SCN2A: variants seen among roughly 807,000 people sequenced by gnomAD.
SCN2A encodes sodium channel protein type 2 subunit alpha.
A neutral mutation model predicts 188.7 loss-of-function variants in SCN2A; 20 were observed. The ratio of observed to expected loss-of-function variants is 0.11; its 90% CI spans 0.07 to 0.15. SCN2A has a LOEUF of 0.15. Among genes scored for constraint, SCN2A ranks in the 10% least tolerant of loss-of-function variants. The probability of loss-of-function intolerance (pLI) is 1.00; values close to 1 mark genes in which losing one functional copy is unlikely to be tolerated. For missense variants in SCN2A, 1,278 were observed against 2,445.0 expected (o/e 0.52, Z 10.07); for synonymous variants, 804 against 833.1 (o/e 0.97, Z 0.60).
intron 1 of SCN2A, among the ~76,000 whole-genome samples, chr2:165,276,950 C>T (rs758493950): frequency 3.9e-5 from 6 of 152,098 alleles, no homozygotes; most frequent in Admixed American, 3.3e-4. Context: ...CTGAGGTGGG[C>T]GGATCACGAG....
At chr2:165,338,202 G>T (rs1482386433) in intron 14 of SCN2A, among the ~76,000 whole-genome samples, 1 of 151,614 alleles carries the variant, frequency 6.6e-6, no homozygotes, top group Non-Finnish European at 1.5e-5. Context: ...AAAGACAACT[G>T]ATTGTTTAAA....
At chr2:165,380,798 C>G in intron 24 of SCN2A, 69 bp downstream of exon 24, 1 of 1,231,010 alleles carries the variant, frequency 8.1e-7, no homozygotes, top group Admixed American at 2.2e-5. Context: ...TTCCTTTAGC[C>G]TCCAAAATGC....
intron 16 of SCN2A, among the ~76,000 whole-genome samples, chr2:165,346,501 C>A (rs951946304): frequency 6.6e-6 from 1 of 152,124 alleles, no homozygotes; most frequent in Non-Finnish European, 1.5e-5. Flanking sequence ...ACCATAAAAA[C>A]CTTAGAAGAA....
intron 3 of SCN2A, among the ~76,000 whole-genome samples, chr2:165,305,000 G>A (rs181835114): frequency 3.9e-4 from 60 of 152,298 alleles, no homozygotes; most frequent in Non-Finnish European, 7.2e-4. Flanking sequence ...CAGTTTAGAG[G>A]AGACTGCAAT....
intron 17 of SCN2A, among the ~76,000 whole-genome samples, chr2:165,355,592 C>T (rs1404740742): frequency 5.9e-5 from 9 of 152,016 alleles, no homozygotes; most frequent in South Asian, 4.1e-4. Flanking sequence ...CTTCCTCATA[C>T]GAACTGTTTG....
chr2:165,301,571 T>C (rs1272738815), intron 3 of SCN2A, among the ~76,000 whole-genome samples: 1 of 152,184 alleles, frequency 6.6e-6, no homozygotes, highest in Non-Finnish European at 1.5e-5. Context: ...AAAATTATAA[T>C]CACAGCTTAG....
At chr2:165,259,933 T>A (rs1456764991) in intron 1 of SCN2A, among the ~76,000 whole-genome samples, 6 of 11,818 alleles carry the variant, frequency 5.1e-4, no homozygotes, top group Non-Finnish European at 9.6e-4. Context: ...AAAAATGGAT[T>A]TTTTTTTTTT....
chr2:165,295,811 G>A lies in SCN2A; in HGVS notation c.-13G>A. 1 of 1,614,040 alleles carries A rather than the reference G, an allele frequency of 6.2e-7. No individual in the cohort carries two copies. The highest frequency in any genetic ancestry group is 8.5e-7 in the Non-Finnish European group (1 of 1,180,012). ...AAGGAGCTAAACAGTGATTAAAGGA[G>A]CAGGATGAAAAGATGGCACAGTCAG... On this transcript the variant is annotated 5_prime_UTR_variant, in exon 2 of 27. Coordinates refer to ENST00000375437, the MANE Select transcript of SCN2A (RefSeq NM_001040142.2).
At chr2:165,381,274 G>T in intron 25 of SCN2A, 77 bp downstream of exon 25, 1 of 1,072,894 alleles carries the variant, frequency 9.3e-7, no homozygotes, top group South Asian at 1.4e-5. Flanking sequence ...CTAGAAACTA[G>T]TTATTTTTGT....
At chr2:165,313,786 C>A in intron 9 of SCN2A, 25 bp downstream of exon 9, 1 of 1,613,536 alleles carries the variant, frequency 6.2e-7, no homozygotes, top group Non-Finnish European at 8.5e-7. Flanking sequence ...AATCATTTTT[C>A]TGAGAATCAT....
chr2:165,336,115 T>C (rs1189432411), intron 14 of SCN2A, among the ~76,000 whole-genome samples: 1 of 151,882 alleles, frequency 6.6e-6, no homozygotes, highest in African/African-American at 2.4e-5. Flanking sequence ...TTATCAAGGA[T>C]GTGGAAAAAT....
intron 14 of SCN2A, among the ~76,000 whole-genome samples, chr2:165,334,141 C>G (rs1343454814): frequency 2.6e-5 from 4 of 151,170 alleles, no homozygotes; most frequent in African/African-American, 9.7e-5. Context: ...AAACTTCCTG[C>G]CAAAAAAAGC....
chr2:165,314,242 G>A lies in SCN2A; in HGVS notation c.1383+134G>A, dbSNP rs376492566. ...TTGGTAAGTGCTAGGAGCCTGTTTG[G>A]TTATTAAGAAGTTATTACTTTATTG... On this transcript the variant is annotated intron_variant, in intron 10 of 26. Coordinates refer to ENST00000375437, the MANE Select transcript of SCN2A (RefSeq NM_001040142.2). 335 of 858,108 alleles carry A rather than the reference G, an allele frequency of 3.9e-4. 2 individuals are homozygous for A. The East Asian group carries it at 8.7e-3, about 22-fold the overall frequency. The allele number at this position is 858,108 out of a possible 1,614,324, so 53.2% of individuals were successfully genotyped here.
intron 3 of SCN2A, among the ~76,000 whole-genome samples, chr2:165,306,543 T>G (rs1351113999): frequency 8.0e-6 from 1 of 124,424 alleles, no homozygotes; most frequent in Admixed American, 7.9e-5. Context: ...TGTGTGTGTG[T>G]GTGTGTGTGT....
At chr2:165,292,324 T>G (rs1696257631) in intron 1 of SCN2A, among the ~76,000 whole-genome samples, 1 of 152,214 alleles carries the variant, frequency 6.6e-6, no homozygotes, top group Non-Finnish European at 1.5e-5. Context: ...TTTTCTTCTT[T>G]TCTCCAAATC....
Position 165,326,885 on chromosome 2 carries a change from C to T in SCN2A, c.2050C>T (p.Arg684Trp), listed in dbSNP as rs200783308. 9.1e-5 allele frequency: 147 copies of T among 1,613,788 alleles called. No homozygotes were observed. The highest frequency in any genetic ancestry group is 9.3e-5 in the African/African-American group (7 of 74,886). ...TTTETEIRKRRSSSYHVSMDL... is the reference protein window; with the variant it reads ...TTTETEIRKRWSSSYHVSMDL... ...TACTGAAACAGAAATAAGAAAGAGA[C>T]GGTCCAGTTCTTATCATGTTTCCAT... Residue 684 changes from arginine to tryptophan, a missense_variant, in exon 13 of 27, where the codon CGG (arginine) becomes TGG (tryptophan). Coordinates refer to ENST00000375437, the MANE Select transcript of SCN2A (RefSeq NM_001040142.2).
chr2:165,248,654 C>T (rs191289211), intron 1 of SCN2A, among the ~76,000 whole-genome samples: 110 of 151,964 alleles, frequency 7.2e-4, no homozygotes, highest in Non-Finnish European at 1.2e-3. Context: ...TCTTTTATTT[C>T]CTTCCCTTCT....
At chr2:165,261,765 A>G (rs1370963134) in intron 1 of SCN2A, among the ~76,000 whole-genome samples, 4 of 152,140 alleles carry the variant, frequency 2.6e-5, no homozygotes, top group Admixed American at 2.0e-4. Flanking sequence ...TACGATGTCA[A>G]TTGTGTTTTA....
rs370685828 is a variant in SCN2A at position 165,323,239 on chromosome 2, G to C, written c.1755G>C (p.Lys585Asn). 6 of 1,614,080 alleles carry C rather than the reference G, an allele frequency of 3.7e-6. No homozygotes were observed. In the African/African-American group the frequency reaches 6.7e-5, roughly 18 times the overall value. ...ASLFSFRGRAKDIGSENDFAD... is the reference protein window; with the variant it reads ...ASLFSFRGRANDIGSENDFAD... Reference sequence around the variant, plus strand: ...TTTTCAGCTTCAGAGGTCGAGCAAAGGACATTGGCTCTGAGAATGACTTTG... The same window carrying C: ...TTTTCAGCTTCAGAGGTCGAGCAAACGACATTGGCTCTGAGAATGACTTTG... Residue 585 changes from lysine to asparagine, a missense_variant, in exon 12 of 27, where the codon AAG (lysine) becomes AAC (asparagine). By Grantham distance (94) the Lys-to-Asn change is moderately conservative. Coordinates refer to ENST00000375437, the MANE Select transcript of SCN2A (RefSeq NM_001040142.2).
Sources: allele counts gnomAD v4.1 joint callset (sites outside exome capture counted in the v4.1 genomes callset), GRCh38; gene constraint gnomAD v4.1.1; transcripts MANE v1.5; gene names NCBI Gene and HGNC (gene_info 2026-07-23, HGNC 2026-07-21).